TLN2: variants seen among roughly 807,000 people sequenced by gnomAD.
The protein encoded by TLN2 is talin-2.
TLN2 carries 118 observed loss-of-function variants against 294.7 expected under a neutral mutation model. The ratio of observed to expected loss-of-function variants is 0.40; its 90% confidence interval spans 0.34 to 0.47. The LOEUF (loss-of-function observed/expected upper bound fraction) is 0.47, where lower values mean the gene tolerates loss of function less well. Among genes scored for constraint, TLN2 ranks in the 20% least tolerant of loss-of-function variants. TLN2 has a pLI of 0.84. For synonymous variants in TLN2, 1,431 were observed against 1,304.5 expected, an observed-to-expected ratio of 1.10 and a Z score of -2.09; for missense variants, 3,083 against 3,282.2, an observed-to-expected ratio of 0.94 and a Z score of 1.48.
chr15:62,736,565 A>G (rs185712856), intron 28 of TLN2, among the ~76,000 whole-genome samples: 2 of 152,304 alleles, frequency 1.3e-5, no homozygotes, highest in Admixed American at 1.3e-4. Flanking sequence ...AGGTAATTCC[A>G]TCTGTGTACT....
intron 41 of TLN2, among the ~76,000 whole-genome samples, chr15:62,770,495 C>T (rs1041612969): frequency 4.6e-5 from 7 of 152,200 alleles, no homozygotes; most frequent in African/African-American, 1.7e-4. Flanking sequence ...CAAATCAAGG[C>T]TTGGTCAAAA....
At chr15:62,773,963 T>G (rs1382776025) in intron 42 of TLN2, among the ~76,000 whole-genome samples, 1 of 152,170 alleles carries the variant, frequency 6.6e-6, no homozygotes, top group African/African-American at 2.4e-5. Flanking sequence ...CTCACTCCAT[T>G]GAGCTCTTCT....
intron 51 of TLN2, among the ~76,000 whole-genome samples, chr15:62,806,313 C>A (rs1252927379): frequency 6.6e-6 from 1 of 152,208 alleles, no homozygotes; most frequent in Non-Finnish European, 1.5e-5. Flanking sequence ...AATCCTCCCC[C>A]TTCTTTCTAG....
At position 62,740,725 on chromosome 15, in the gene TLN2, T is replaced by C; in HGVS notation, c.3981T>C (p.Asp1327=). The change falls in exon 32 of 59, where the codon GAT becomes GAC. Residue 1327 remains aspartate (D), a synonymous_variant. Coordinates refer to ENST00000636159, the MANE Select transcript of TLN2 (RefSeq NM_015059.3). The stretch of plus-strand genomic sequence containing the variant: ...TAGCTGCCAAGTCTCTCTCTGTAGA[T>C]CCAGGAGCTCCCAATGCGAAAAATC... ...LLLAAKSLSV[D]PGAPNAKNLL... The C allele has an allele frequency of 6.2e-7, 1 of 1,614,198 alleles. No homozygotes were observed. The highest frequency in any genetic ancestry group is 8.5e-7 in the Non-Finnish European group (1 of 1,180,034).
At chr15:62,509,637 C>T (rs978701563) in intron 1 of TLN2, among the ~76,000 whole-genome samples, 2 of 152,194 alleles carry the variant, frequency 1.3e-5, no homozygotes, top group Non-Finnish European at 2.9e-5. Context: ...CCCTCCTGGT[C>T]CTCTGGTCCC....
chr15:62,628,699 A>G (rs1235158705), intron 3 of TLN2, among the ~76,000 whole-genome samples: 1 of 152,196 alleles, frequency 6.6e-6, no homozygotes, highest in Non-Finnish European at 1.5e-5. Context: ...AAGGTTGCAT[A>G]TTGCTGGCAA....
intron 1 of TLN2, among the ~76,000 whole-genome samples, chr15:62,441,522 A>G (rs1304241779): frequency 2.0e-5 from 3 of 152,182 alleles, no homozygotes; most frequent in Non-Finnish European, 4.4e-5. Context: ...TCACTCAACA[A>G]TCCTGACTCC....
At chr15:62,702,222 T>A (rs1019614746) in intron 18 of TLN2, 22 bp downstream of exon 18, 1 of 1,557,428 alleles carries the variant, frequency 6.4e-7, no homozygotes, top group Non-Finnish European at 8.7e-7. Flanking sequence ...AGGCAAGCAA[T>A]CACTCAGGTT....
rs556763901 is a variant in TLN2 at position 62,690,169 on chromosome 15, C to T, written c.1114-2671C>T. ...GGGGCTGACCCCCCCACCTCCCTCC[C>T]GGACGGGGTGGCTGCCAGGCGGAGA... is the stretch of plus-strand genomic sequence containing the variant. On this transcript the variant is annotated intron_variant, in intron 12 of 58. Transcript: ENST00000636159. 1.6e-4 allele frequency: 26 copies of T among 157,622 alleles called. No individual in the cohort carries two copies. In the South Asian group the frequency reaches 5.0e-3, roughly 30 times the overall value. 9.8% of individuals were successfully genotyped at this position (157,622 alleles called of 1,614,324 possible).
chr15:62,614,955 A>G (rs2048196201), intron 2 of TLN2, among the ~76,000 whole-genome samples: 1 of 152,036 alleles, frequency 6.6e-6, no homozygotes, highest in Non-Finnish European at 1.5e-5. Context: ...ATAGGTGCTC[A>G]CCACCACGCC....
chr15:62,756,483 A>G (rs1165240990), intron 37 of TLN2, among the ~76,000 whole-genome samples: 2 of 152,140 alleles, frequency 1.3e-5, no homozygotes, highest in Non-Finnish European at 2.9e-5. Flanking sequence ...GCCCAGCACC[A>G]TCGCGCCAGC....
chr15:62,766,019 G>A (rs561751599), intron 40 of TLN2, among the ~76,000 whole-genome samples: 107 of 152,294 alleles, frequency 7.0e-4, no homozygotes, highest in Admixed American at 2.8e-3. Flanking sequence ...TGACTGTTCC[G>A]CATGTCTACT....
intron 1 of TLN2, among the ~76,000 whole-genome samples, chr15:62,471,716 T>C (rs982947716): frequency 2.6e-5 from 4 of 152,136 alleles, no homozygotes; most frequent in Admixed American, 6.5e-5. Flanking sequence ...GTAACTGAGA[T>C]GAAAGATAAG....
rs531832728 is a variant in TLN2, at chr15:62,836,914, C to G, written c.7374+841C>G. Among the ~76,000 whole-genome samples the G allele has an allele frequency of 1.9e-4, 29 of 152,216 alleles. 1 individual carries two copies. The South Asian group carries it at 5.8e-3, about 31-fold the overall frequency. On this transcript the variant is annotated intron_variant, in intron 57 of 58. Coordinates refer to ENST00000636159, the MANE Select transcript of TLN2 (RefSeq NM_015059.3). ...ATGTAATTTTTCCTTGAAGATAAGGCTTCATTAACTTCTCTATGCAAAGCT... is the reference window on the plus strand; with the variant it reads ...ATGTAATTTTTCCTTGAAGATAAGGGTTCATTAACTTCTCTATGCAAAGCT...
chr15:62,660,816 C>T (rs1377306765), intron 9 of TLN2, among the ~76,000 whole-genome samples: 2 of 152,150 alleles, frequency 1.3e-5, no homozygotes, highest in Non-Finnish European at 2.9e-5. Context: ...TAATTCCTTG[C>T]TGTTTTTGAA....
rs752347485 is a variant in TLN2 at position 62,840,531 on chromosome 15, A to C, written c.7550A>C (p.Glu2517Ala). The C allele has an allele frequency of 6.2e-7, 1 of 1,614,212 alleles. No homozygotes were observed. The highest frequency in any genetic ancestry group is 1.1e-5 in the South Asian group (1 of 91,090). ...EMLKKERELE[E>A]ARKKLAQIRQ... ...CTAAAGAAAGAGCGAGAACTGGAAG[A>C]AGCAAGGAAAAAACTGGCCCAAATC... The change falls in exon 59 of 59, where the codon GAA becomes GCA. Residue 2517 changes from glutamate (E) to alanine (A), a missense_variant. Transcript: ENST00000636159.
chr15:62,517,499 G>A (rs572791117), intron 1 of TLN2, among the ~76,000 whole-genome samples: 2 of 152,288 alleles, frequency 1.3e-5, no homozygotes, highest in African/African-American at 2.4e-5. Context: ...TGCATTTGCC[G>A]AGCAGTGGAG....
chr15:62,580,876 A>ATT (rs776576959), intron 1 of TLN2, among the ~76,000 whole-genome samples: 17 of 126,324 alleles, frequency 1.3e-4, no homozygotes, highest in Non-Finnish European at 1.5e-4. Context: ...GCAACCACTG[A>ATT]TTTTTTTTTT....
chr15:62,648,349 A>C (rs991184139), intron 4 of TLN2, among the ~76,000 whole-genome samples: 6 of 147,696 alleles, frequency 4.1e-5, no homozygotes, highest in Non-Finnish European at 5.9e-5. Flanking sequence ...TGGCTGCAGC[A>C]AGCCATGATC....
Sources: gnomAD v4.1 joint callset for allele counts (sites outside exome capture counted in the v4.1 genomes callset) on GRCh38, gnomAD v4.1.1 for gene constraint, MANE v1.5 for transcripts, NCBI Gene and HGNC (gene_info 2026-07-23, HGNC 2026-07-21) for gene names.